ESF1: variants seen among roughly 807,000 people sequenced by gnomAD.
The protein encoded by ESF1 is ESF1 homolog.
A neutral mutation model predicts 92.0 loss-of-function variants in ESF1; 58 were observed. That is an observed-to-expected ratio of 0.63 (90% CI 0.51 to 0.78). The LOEUF (loss-of-function observed/expected upper bound fraction) is 0.78, where lower values mean the gene tolerates loss of function less well. Among genes scored for constraint, ESF1 ranks in the 30% least tolerant of loss-of-function variants. The pLI is 0.00. For missense variants in ESF1, 922 were observed against 989.1 expected (o/e 0.93, Z 0.91); for synonymous variants, 321 against 313.7 (o/e 1.02, Z -0.24).
intron 13 of ESF1, 141 bp downstream of exon 13, chr20:13,717,227 T>C: frequency 9.9e-7 from 1 of 1,005,736 alleles, no homozygotes; most frequent in Admixed American, 2.4e-5. Context: ...AAAAAAGTGT[T>C]GGGATTATAG....
rs768399293 is a variant in ESF1, at chr20:13,717,500, C to G, written c.2130G>C (p.Leu710Phe). 1 of 1,613,918 alleles carries G rather than the reference C, an allele frequency of 6.2e-7. No homozygotes were observed. Among genetic ancestry groups the G allele is most frequent in the Non-Finnish European group, 8.5e-7 (1 of 1,180,006 alleles). Reference protein sequence around the residue: ...EIERQKAEMALLMMDEDEDSK... With the variant: ...EIERQKAEMAFLMMDEDEDSK... ...TGTCCTCGTCCTCATCCATCATAAGCAAAGCCATTTCAGCCTGTAGAGAGC... is the reference window on the plus strand; with the variant it reads ...TGTCCTCGTCCTCATCCATCATAAGGAAAGCCATTTCAGCCTGTAGAGAGC... The change falls in exon 13 of 14, where the codon TTG becomes TTC. Residue 710 changes from leucine to phenylalanine, a missense_variant. Physicochemically the swap from Leu to Phe is conservative, Grantham distance 22 (BLOSUM62 0). Coordinates refer to ENST00000617257, the MANE Select transcript of ESF1 (RefSeq NM_001276380.2).
In ESF1 at chr20:13,757,613, G is replaced by A. The variant is rs557332138; in HGVS notation, c.1828+2079C>T. On this transcript the variant is annotated intron_variant, in intron 9 of 13. Transcript: ENST00000617257. Reference sequence around the variant, plus strand: ...TGGAACAGTTTTGCCATGCTACTCGGGCTGGTCTCGAACATCTGAGGCTCA... The same window carrying A: ...TGGAACAGTTTTGCCATGCTACTCGAGCTGGTCTCGAACATCTGAGGCTCA... 2.5e-4 allele frequency among the ~76,000 whole-genome samples: 38 copies of A among 152,146 alleles called. No homozygotes were observed. In the East Asian group the frequency reaches 4.3e-3, roughly 17 times the overall value.
chr20:13,765,343 A>G (rs1375950495), intron 8 of ESF1, among the ~76,000 whole-genome samples: 1 of 152,240 alleles, frequency 6.6e-6, no homozygotes, highest in African/African-American at 2.4e-5. Flanking sequence ...GTTGGATTAA[A>G]TATTATTTTA....
chr20:13,772,893 A>C (rs1215723560), intron 4 of ESF1, among the ~76,000 whole-genome samples: 4 of 152,306 alleles, frequency 2.6e-5, no homozygotes, highest in South Asian at 4.1e-4. Context: ...CCGAGATCCA[A>C]ACGAAAAATT....
At chr20:13,766,491 G>A (rs1979431197) in intron 8 of ESF1, among the ~76,000 whole-genome samples, 1 of 152,152 alleles carries the variant, frequency 6.6e-6, no homozygotes, top group Non-Finnish European at 1.5e-5. Context: ...CAAATGAGGG[G>A]AGATGCCTAA....
At position 13,723,319 on chromosome 20, in the gene ESF1, A is replaced by G. The variant is rs1179668862; in HGVS notation, c.2039-4335T>C. ...TAATCAGATGCAGTCTGTTAAGGAT[A>G]ATCTCCCTCTAGGGTTAATCTCCCT... is the stretch of plus-strand genomic sequence containing the variant. On this transcript the variant is annotated intron_variant, in intron 11 of 13. Coordinates refer to ENST00000617257, the MANE Select transcript of ESF1 (RefSeq NM_001276380.2). Among the ~76,000 whole-genome samples the G allele has an allele frequency of 3.3e-5, 5 of 152,072 alleles. No individual in the cohort carries two copies. The East Asian group carries it at 9.7e-4, about 29-fold the overall frequency.
chr20:13,727,684 A>AT (rs2049910400), intron 11 of ESF1, among the ~76,000 whole-genome samples: 1 of 152,118 alleles, frequency 6.6e-6, no homozygotes, highest in Non-Finnish European at 1.5e-5. Context: ...TTTCCTCCAC[A>AT]TAATGGAGGA....
At chr20:13,781,637 G>A (rs1003578641) in intron 2 of ESF1, among the ~76,000 whole-genome samples, 45 of 152,152 alleles carry the variant, frequency 3.0e-4, no homozygotes, top group Admixed American at 2.5e-3. Context: ...CTTCAAAGGC[G>A]CCATCTCTTC....
intron 9 of ESF1, among the ~76,000 whole-genome samples, chr20:13,741,364 A>G (rs2050012305): frequency 6.7e-6 from 1 of 150,216 alleles, no homozygotes; most frequent in Non-Finnish European, 1.5e-5. Context: ...CAGAACCCCC[A>G]TACAAGCTGG....
chr20:13,743,955 A>G (rs1235048691), intron 9 of ESF1, among the ~76,000 whole-genome samples: 2 of 152,248 alleles, frequency 1.3e-5, no homozygotes, highest in Admixed American at 6.5e-5. Flanking sequence ...ATGAATAAAT[A>G]CTGAAATCTG....
intron 2 of ESF1, among the ~76,000 whole-genome samples, chr20:13,780,630 CCTATCAAGAACTCTTGGG>C (rs1980139975): frequency 1.4e-5 from 2 of 142,278 alleles, no homozygotes; most frequent in African/African-American, 2.6e-5. Flanking sequence ...AACCTCTTGG[CCTATCAAGAACTCTTGGG>C]CTATCAAGAC....
At chr20:13,731,532 A>C (rs1252818521) in intron 10 of ESF1, among the ~76,000 whole-genome samples, 7 of 1,790 alleles carry the variant, frequency 3.9e-3, no homozygotes, top group Non-Finnish European at 0.029. Context: ...ACTCGGTCTC[A>C]AAAAAAAAAA....
At chr20:13,758,853 A>G (rs911415434) in intron 9 of ESF1, among the ~76,000 whole-genome samples, 164 of 152,278 alleles carry the variant, frequency 1.1e-3, no homozygotes, top group Non-Finnish European at 3.2e-4. Flanking sequence ...GTAGTCCCCC[A>G]TTATCTGAGG....
At chr20:13,756,021 G>A (rs758346399) in intron 9 of ESF1, among the ~76,000 whole-genome samples, 3 of 152,152 alleles carry the variant, frequency 2.0e-5, no homozygotes, top group Non-Finnish European at 4.4e-5. Flanking sequence ...GTGGTTTACT[G>A]AAGCATAACA....
At chr20:13,771,190 T>C in intron 6 of ESF1, 141 bp downstream of exon 6, 2 of 684,158 alleles carry the variant, frequency 2.9e-6, no homozygotes, top group South Asian at 1.8e-5. Flanking sequence ...TTAGGAGTGA[T>C]GTTCCATGGG....
At chr20:13,780,092 G>C (rs1360128062) in intron 2 of ESF1, among the ~76,000 whole-genome samples, 2 of 152,128 alleles carry the variant, frequency 1.3e-5, no homozygotes, top group Non-Finnish European at 2.9e-5. Context: ...CCTTATTTAT[G>C]AGTAATGCCT....
intron 9 of ESF1, among the ~76,000 whole-genome samples, chr20:13,734,548 C>T (rs1228153793): frequency 1.3e-5 from 2 of 152,114 alleles, no homozygotes; most frequent in Non-Finnish European, 2.9e-5. Flanking sequence ...TCCCGATTCA[C>T]GTTTCTAGGT....
At chr20:13,775,055 T>C (rs892912334) in intron 4 of ESF1, 102 bp downstream of exon 4, 39 of 694,776 alleles carry the variant, frequency 5.6e-5, no homozygotes, top group Non-Finnish European at 4.3e-5. Context: ...ACTTCCACAG[T>C]ATTTTCCTAA....
At chr20:13,767,741 TCATCTATGA>T (rs2147769832) in intron 7 of ESF1, among the ~76,000 whole-genome samples, 1 of 152,312 alleles carries the variant, frequency 6.6e-6, no homozygotes, top group East Asian at 1.9e-4. Context: ...ATACATGAAT[TCATCTATGA>T]CATGACTGAT....
Sources: allele counts gnomAD v4.1 joint callset (sites outside exome capture counted in the v4.1 genomes callset), GRCh38; gene constraint gnomAD v4.1.1; transcripts MANE v1.5; gene names NCBI Gene and HGNC (gene_info 2026-07-23, HGNC 2026-07-21).